The following RALGAPA1 variants were observed in gnomAD, a reference collection of about 807,000 sequenced individuals.
RALGAPA1 encodes ral GTPase-activating protein subunit alpha-1.
RALGAPA1 carries 52 observed loss-of-function variants against 269.6 expected under a neutral mutation model. That is an observed-to-expected ratio of 0.19 (90% CI 0.15 to 0.24). The LOEUF (loss-of-function observed/expected upper bound fraction) is 0.24. Ranked by LOEUF, RALGAPA1 falls within the 10% of genes least tolerant of loss-of-function variation. The probability of loss-of-function intolerance (pLI) is 1.00; values close to 1 mark genes in which losing one functional copy is unlikely to be tolerated. For synonymous variants in RALGAPA1, 817 were observed against 1,008.3 expected (o/e 0.81, Z 3.60); for missense variants, 1,917 against 3,013.9 (o/e 0.64, Z 8.52).
Position 35,721,717 on chromosome 14 carries a change from G to A in RALGAPA1, c.2237C>T (p.Ala746Val). Residue 746 changes from alanine (A) to valine (V), a missense_variant, in exon 16 of 42, where the codon GCG becomes GTG. Around this residue, in one of 11 missense-constraint regions of RALGAPA1, gnomAD observed 125 missense variants for 155.7 expected, o/e 0.80. Transcript: ENST00000680220. The part of the protein sequence containing the change: ...TTTGSPGTEK[A>V]RSIVRQKTVA... ...AGTTTTTTGCCGTACTATACTCCTC[G>A]CCTTTTCGGTTCCTGGAGAACCAGT... 1 of 1,613,394 alleles carries A rather than the reference G, an allele frequency of 6.2e-7. No individual in the cohort carries two copies. Among genetic ancestry groups the A allele is most frequent in the Non-Finnish European group, 8.5e-7 (1 of 1,179,816 alleles).
intron 36 of RALGAPA1, among the ~76,000 whole-genome samples, chr14:35,597,606 G>T (rs2059008391): frequency 6.6e-6 from 1 of 152,042 alleles, no homozygotes; most frequent in Non-Finnish European, 1.5e-5. Context: ...TCACCACCAG[G>T]ATACTGACGA....
At chr14:35,584,864 C>T (rs1297426812) in intron 37 of RALGAPA1, among the ~76,000 whole-genome samples, 1 of 151,988 alleles carries the variant, frequency 6.6e-6, no homozygotes, top group South Asian at 2.1e-4. Context: ...TATTAATAAT[C>T]ACTTTAAGAA....
intron 12 of RALGAPA1, among the ~76,000 whole-genome samples, chr14:35,728,735 CTTT>C (rs755979931): frequency 2.1e-5 from 3 of 141,498 alleles, no homozygotes; most frequent in African/African-American, 2.6e-5. Flanking sequence ...GTATTTCTTT[CTTT>C]TTTTTTTTTT....
intron 31 of RALGAPA1, among the ~76,000 whole-genome samples, chr14:35,645,546 C>G (rs1052553456): frequency 2.0e-5 from 3 of 151,814 alleles, no homozygotes; most frequent in Non-Finnish European, 4.4e-5. Context: ...CTGGCTAACA[C>G]GGTGAAACCC....
chr14:35,581,786 AATATAAAATG>A (rs2057968775), intron 37 of RALGAPA1, among the ~76,000 whole-genome samples: 1 of 152,316 alleles, frequency 6.6e-6, no homozygotes, highest in South Asian at 2.1e-4. Context: ...TCCTGGTGGA[AATATAAAATG>A]ATGCAGCTGC....
intron 31 of RALGAPA1, among the ~76,000 whole-genome samples, chr14:35,639,782 A>G (rs2061893463): frequency 6.6e-6 from 1 of 151,996 alleles, no homozygotes; most frequent in African/African-American, 2.4e-5. Flanking sequence ...TACTAAAAAT[A>G]CAAAAAATTA....
At chr14:35,741,646 A>G (rs764171306) in intron 11 of RALGAPA1, among the ~76,000 whole-genome samples, 3 of 152,216 alleles carry the variant, frequency 2.0e-5, no homozygotes, top group Admixed American at 2.0e-4. Context: ...ATCGCAGACA[A>G]CTTTATGGTG....
intron 16 of RALGAPA1, among the ~76,000 whole-genome samples, chr14:35,714,716 C>T (rs1402850869): frequency 6.6e-6 from 1 of 152,062 alleles, no homozygotes; most frequent in Non-Finnish European, 1.5e-5. Flanking sequence ...ATCATTTATC[C>T]TTCTTGCATC....
At chr14:35,574,090 T>C (rs919455387) in intron 37 of RALGAPA1, among the ~76,000 whole-genome samples, 4 of 152,226 alleles carry the variant, frequency 2.6e-5, no homozygotes, top group African/African-American at 7.2e-5. Context: ...ATATCAAGTA[T>C]AATTGAAGTA....
intron 12 of RALGAPA1, among the ~76,000 whole-genome samples, chr14:35,731,315 C>T (rs1015482469): frequency 2.6e-5 from 4 of 152,112 alleles, no homozygotes; most frequent in Non-Finnish European, 2.9e-5. Context: ...GGTAATATGA[C>T]AAAACAAGGC....
chr14:35,722,215 G>A (rs2069484231), intron 15 of RALGAPA1, among the ~76,000 whole-genome samples: 1 of 152,142 alleles, frequency 6.6e-6, no homozygotes, highest in Non-Finnish European at 1.5e-5. Flanking sequence ...TAGCCACTTG[G>A]GAAATATAGT....
intron 37 of RALGAPA1, among the ~76,000 whole-genome samples, chr14:35,578,851 A>G (rs1239214857): frequency 6.6e-6 from 1 of 152,240 alleles, no homozygotes. Flanking sequence ...AAATGCCAAC[A>G]GGCCTGGTAC....
At position 35,707,844 on chromosome 14, in the gene RALGAPA1, A is replaced by G. The variant is rs77560463; in HGVS notation, c.2267-7542T>C. Among the ~76,000 whole-genome samples, 1,349 of 152,240 alleles carry G rather than the reference A, an allele frequency of 8.9e-3. 29 individuals carry two copies. The highest frequency in any genetic ancestry group is 0.031 in the African/African-American group (1,305 of 41,560). The stretch of plus-strand genomic sequence containing the variant: ...TTTTGGTAGATTGTACCTTTCAAGT[A>G]ATTGGTCTATTTCTTTTAGGTTATC... On this transcript the variant is annotated intron_variant, in intron 16 of 41. Transcript: ENST00000680220.
intron 16 of RALGAPA1, among the ~76,000 whole-genome samples, chr14:35,710,740 T>C (rs1004605368): frequency 3.3e-5 from 5 of 152,228 alleles, no homozygotes; most frequent in African/African-American, 9.6e-5. Context: ...TAATACTCTA[T>C]TTTAGCTGTA....
chr14:35,711,667 C>A (rs1347750917), intron 16 of RALGAPA1, among the ~76,000 whole-genome samples: 3 of 152,098 alleles, frequency 2.0e-5, no homozygotes, highest in Non-Finnish European at 4.4e-5. Flanking sequence ...GTAGGCTGGT[C>A]TTGAACTAGG....
rs2063798280 is a variant in RALGAPA1 at position 35,664,766 on chromosome 14, G to A, written c.5204C>T (p.Ala1735Val). ...AAGAACTTGTGCTTCTACTCTTGGT[G>A]CCTATGTATCACATTTTTAAAAAGT... ...GRVASSAFLN[A>V]PRVEAQVLLG... Residue 1735 changes from alanine to valine, a missense_variant and splice_region_variant, in exon 27 of 42, where the codon GCA becomes GTA. Ala to Val is a moderately conservative substitution (Grantham distance 64). Around this residue, in one of 11 missense-constraint regions of RALGAPA1, gnomAD observed 346 missense variants for 566.1 expected, o/e 0.61. Coordinates refer to ENST00000680220, the MANE Select transcript of RALGAPA1 (RefSeq NM_001346249.2). 2 of 1,606,230 alleles carry A rather than the reference G, an allele frequency of 1.2e-6. No individual in the cohort carries two copies. Among genetic ancestry groups the A allele is most frequent in the Non-Finnish European group, 1.7e-6 (2 of 1,178,118 alleles).
At position 35,562,316 on chromosome 14, in the gene RALGAPA1, C is replaced by A. The variant is rs753657224; in HGVS notation, c.7496+8301G>T. Among the ~76,000 whole-genome samples the A allele has an allele frequency of 2.0e-5, 3 of 152,216 alleles. No individual in the cohort carries two copies. In the East Asian group the frequency reaches 5.8e-4, roughly 29 times the overall value. ...CTTGCCTTACAGCAGGAAGTGTGAG[C>A]CTTCAGGGCTCAGCCTCATGCTGCC... On this transcript the variant is annotated intron_variant, in intron 39 of 41. Transcript: ENST00000680220.
chr14:35,685,721 T>C (rs1486464008), intron 19 of RALGAPA1, among the ~76,000 whole-genome samples: 1 of 152,052 alleles, frequency 6.6e-6, no homozygotes, highest in Non-Finnish European at 1.5e-5. Context: ...CTGGCCAACA[T>C]GGTGAAACCC....
chr14:35,711,214 C>G (rs962043819), intron 16 of RALGAPA1, among the ~76,000 whole-genome samples: 12 of 152,164 alleles, frequency 7.9e-5, no homozygotes, highest in Non-Finnish European at 5.9e-5. Flanking sequence ...TTTATTTAGA[C>G]AGCTAATGTT....
Sources: gnomAD v4.1 joint callset for allele counts (sites outside exome capture counted in the v4.1 genomes callset) on GRCh38, gnomAD v4.1.1 for gene constraint, gnomAD v4.1.1 regional missense constraint, MANE v1.5 for transcripts, NCBI Gene and HGNC (gene_info 2026-07-23, HGNC 2026-07-21) for gene names.